The following CNTNAP2 variants were observed in gnomAD, a reference collection of about 807,000 sequenced individuals.
The protein encoded by CNTNAP2 is contactin-associated protein-like 2.
CNTNAP2 carries 98 observed loss-of-function variants against 155.2 expected under a neutral mutation model. The observed-to-expected ratio is 0.63, with a 90% confidence interval of 0.54 to 0.75. The LOEUF is 0.75. Ranked by LOEUF, CNTNAP2 falls within the 30% of genes least tolerant of loss-of-function variation. CNTNAP2 has a pLI of 0.00. For synonymous variants in CNTNAP2, 651 were observed against 631.2 expected, an observed-to-expected ratio of 1.03 and a Z score of -0.47; for missense variants, 1,727 against 1,688.1, an observed-to-expected ratio of 1.02 and a Z score of -0.40.
At chr7:147,318,360 T>C (rs1795276784) in intron 9 of CNTNAP2, among the ~76,000 whole-genome samples, 1 of 152,138 alleles carries the variant, frequency 6.6e-6, no homozygotes. Context: ...GAGGGTCTCT[T>C]GAGCCTTGGA....
rs149385059 is a variant in CNTNAP2, at chr7:147,352,984, C to A, written c.1499-42625C>A. On this transcript the variant is annotated intron_variant, in intron 9 of 23. Transcript: ENST00000361727. ...AGTAAAGACTGGGTTCTTTAAAGCC[C>A]AACCTTTGGTCTTTTGAATCGTTCT... is the stretch of plus-strand genomic sequence containing the variant. Among the ~76,000 whole-genome samples the A allele has an allele frequency of 3.5e-3, 537 of 151,488 alleles. 6 individuals carry two copies. The highest frequency in any genetic ancestry group is 0.012 in the African/African-American group (502 of 41,324).
At chr7:148,048,038 C>T (rs1469413205) in intron 15 of CNTNAP2, among the ~76,000 whole-genome samples, 1 of 152,104 alleles carries the variant, frequency 6.6e-6, no homozygotes, top group Middle Eastern at 3.2e-3. Flanking sequence ...ATTCTCCTGC[C>T]TCAGCCTCCC....
intron 14 of CNTNAP2, among the ~76,000 whole-genome samples, chr7:147,952,734 T>A (rs2707586): frequency 0.47 from 70,736 of 151,910 alleles, 17,808 homozygotes; most frequent in Middle Eastern, 0.69. Context: ...GGTACATAAC[T>A]AAAATGAAAG....
chr7:147,119,297 C>A (rs749560336), intron 5 of CNTNAP2, among the ~76,000 whole-genome samples: 24 of 152,188 alleles, frequency 1.6e-4, no homozygotes, highest in Non-Finnish European at 3.2e-4. Flanking sequence ...AAGTAACTGA[C>A]TTTGTGACCT....
chr7:147,217,950 C>G (rs181033085), intron 8 of CNTNAP2, among the ~76,000 whole-genome samples: 2 of 151,802 alleles, frequency 1.3e-5, no homozygotes, highest in African/African-American at 2.4e-5. Flanking sequence ...TCATAATATT[C>G]GTTATCTTTT....
chr7:147,478,163 G>C (rs981543138), intron 10 of CNTNAP2, among the ~76,000 whole-genome samples: 1 of 150,534 alleles, frequency 6.6e-6, no homozygotes, highest in African/African-American at 2.4e-5. Flanking sequence ...TTTTTTTTTG[G>C]GTGGTGGGGG....
At chr7:148,413,646 T>TATCA (rs1179094491) in intron 23 of CNTNAP2, among the ~76,000 whole-genome samples, 1 of 151,798 alleles carries the variant, frequency 6.6e-6, no homozygotes, top group Non-Finnish European at 1.5e-5. Context: ...TCAATTGTTC[T>TATCA]ATCAGTTACT....
At chr7:147,598,046 G>C (rs941477562) in intron 12 of CNTNAP2, among the ~76,000 whole-genome samples, 13 of 152,160 alleles carry the variant, frequency 8.5e-5, no homozygotes, top group African/African-American at 3.1e-4. Context: ...GATCATTAAT[G>C]GTTTCAGCAT....
intron 21 of CNTNAP2, among the ~76,000 whole-genome samples, chr7:148,380,240 T>C (rs1476820346): frequency 6.6e-6 from 1 of 152,212 alleles, no homozygotes; most frequent in Non-Finnish European, 1.5e-5. Flanking sequence ...TAATATTTGG[T>C]TTCAGTAGAG....
intron 21 of CNTNAP2, among the ~76,000 whole-genome samples, chr7:148,323,138 C>T (rs1362409968): frequency 3.3e-5 from 5 of 152,060 alleles, no homozygotes; most frequent in African/African-American, 1.2e-4. Flanking sequence ...CCCCATTTTA[C>T]GTGAGAAGAA....
chr7:146,875,675 G>T (rs188153086), intron 3 of CNTNAP2, among the ~76,000 whole-genome samples: 1,256 of 81,004 alleles, frequency 0.016, 13 homozygotes, highest in African/African-American at 0.068. Context: ...TGCTTTTGGC[G>T]GGGGGGCAAA....
chr7:147,373,219 T>G (rs1796378235), intron 9 of CNTNAP2, among the ~76,000 whole-genome samples: 1 of 152,052 alleles, frequency 6.6e-6, no homozygotes, highest in Admixed American at 6.6e-5. Flanking sequence ...GTAAAGAATT[T>G]CCCGTTTTAA....
chr7:146,748,545 A>C (rs1449022304), intron 1 of CNTNAP2, among the ~76,000 whole-genome samples: 3 of 152,214 alleles, frequency 2.0e-5, no homozygotes, highest in Admixed American at 6.5e-5. Context: ...GGCAATTAAA[A>C]GAATGATGAT....
chr7:147,602,124 TA>T (rs1255870045), intron 12 of CNTNAP2, among the ~76,000 whole-genome samples: 16 of 152,174 alleles, frequency 1.1e-4, no homozygotes, highest in African/African-American at 3.9e-4. Flanking sequence ...ACCATTAGTG[TA>T]ATTATTAGCA....
intron 3 of CNTNAP2, among the ~76,000 whole-genome samples, chr7:147,023,712 C>T (rs545733616): frequency 5.3e-5 from 8 of 152,322 alleles, no homozygotes; most frequent in Non-Finnish European, 1.0e-4. Flanking sequence ...CTCCTGATGA[C>T]TTCTAGGCAT....
chr7:147,776,707 T>C (rs1797590762), intron 13 of CNTNAP2, among the ~76,000 whole-genome samples: 1 of 152,130 alleles, frequency 6.6e-6, no homozygotes, highest in Non-Finnish European at 1.5e-5. Context: ...TGAAAATTTT[T>C]TTTGATTCTA....
chr7:146,118,911 C>T (rs1230874727), intron 1 of CNTNAP2, among the ~76,000 whole-genome samples: 1 of 151,998 alleles, frequency 6.6e-6, no homozygotes, highest in Non-Finnish European at 1.5e-5. Flanking sequence ...TGAATTTAAA[C>T]TGTGTGACCA....
chr7:147,237,975 C>A (rs1042889474), intron 8 of CNTNAP2, among the ~76,000 whole-genome samples: 13 of 152,176 alleles, frequency 8.5e-5, no homozygotes, highest in Admixed American at 5.9e-4. Context: ...TAGTAGTAGA[C>A]CCTAAATTGT....
chr7:147,516,567 GT>G (rs1799130661), intron 11 of CNTNAP2, among the ~76,000 whole-genome samples: 1 of 152,046 alleles, frequency 6.6e-6, no homozygotes, highest in Non-Finnish European at 1.5e-5. Context: ...ATGTGCAATA[GT>G]TTTTCCCATT....
Sources: gnomAD v4.1 joint callset for allele counts (sites outside exome capture counted in the v4.1 genomes callset) on GRCh38, gnomAD v4.1.1 for gene constraint, MANE v1.5 for transcripts, NCBI Gene and HGNC (gene_info 2026-07-23, HGNC 2026-07-21) for gene names.